RAB3B: variants seen among roughly 807,000 people sequenced by gnomAD.
The protein encoded by RAB3B is ras-related protein Rab-3B.
RAB3B carries 11 observed loss-of-function variants against 20.5 expected under a neutral mutation model. The observed-to-expected ratio is 0.54, with a 90% confidence interval of 0.34 to 0.89. The LOEUF (loss-of-function observed/expected upper bound fraction) is 0.89, where lower values mean the gene tolerates loss of function less well. Ranked by LOEUF, RAB3B falls within the 40% of genes least tolerant of loss-of-function variation. The probability of loss-of-function intolerance (pLI) is 0.02; values close to 1 mark genes in which losing one functional copy is unlikely to be tolerated. For synonymous variants in RAB3B, 99 were observed against 106.3 expected (o/e 0.93, Z 0.42); for missense variants, 225 against 280.9 (o/e 0.80, Z 1.42).
intron 1 of RAB3B, among the ~76,000 whole-genome samples, chr1:51,989,105 A>G (rs141017990): frequency 0.066 from 8,332 of 125,930 alleles, 288 homozygotes; most frequent in African/African-American, 0.08. Flanking sequence ...GTGCGCGCGC[A>G]CACACACACA....
chr1:51,971,606 G>C (rs1214933595), intron 2 of RAB3B, among the ~76,000 whole-genome samples: 1 of 151,540 alleles, frequency 6.6e-6, no homozygotes, highest in Non-Finnish European at 1.5e-5. Flanking sequence ...CTAATTTTTT[G>C]TATTTTTAGT....
rs552681317 is a variant in RAB3B at position 51,909,349 on chromosome 1, A to G, written c.*10578T>C. On this transcript the variant is annotated 3_prime_UTR_variant, in exon 5 of 5. Transcript: ENST00000371655. ...TGTCCACAGCATTTCACTTTCTAAA[A>G]TGTACTTTTATTTGACTCTCATAAC... The G allele has an allele frequency of 2.6e-5, 4 of 152,188 alleles. No individual in the cohort carries two copies. The highest frequency in any genetic ancestry group is 4.4e-5 in the Non-Finnish European group (3 of 68,032). The allele number at this position is 152,188 out of a possible 1,614,324, so 9.4% of individuals were successfully genotyped here.
chr1:51,908,216 GA>G lies in RAB3B; in HGVS notation c.*11710del, dbSNP rs1201022980. 3 of 152,000 alleles carry G rather than the reference GA, an allele frequency of 2.0e-5. No individual in the cohort carries two copies. The highest frequency in any genetic ancestry group is 2.9e-5 in the Non-Finnish European group (2 of 68,000). The allele number at this position is 152,000 out of a possible 1,614,324, so 9.4% of individuals were successfully genotyped here. A position where few individuals can be genotyped will look rare whatever the true frequency, so the allele number is the denominator to read the frequency against. Reference sequence around the variant, plus strand: ...GTCAGTATACAGAACATAGGAAGAAGAAAAAAGCATGAGAACATCTGCTTAG... The same window carrying G: ...GTCAGTATACAGAACATAGGAAGAAGAAAAAGCATGAGAACATCTGCTTAG... On this transcript the variant is annotated 3_prime_UTR_variant, in exon 5 of 5. Transcript: ENST00000371655.
intron 3 of RAB3B, among the ~76,000 whole-genome samples, chr1:51,936,723 C>T (rs1408221411): frequency 6.6e-6 from 1 of 152,176 alleles, no homozygotes; most frequent in African/African-American, 2.4e-5. Flanking sequence ...TCTCTGACTC[C>T]CTAAACTGGG....
At chr1:51,960,801 G>A (rs560729856) in intron 2 of RAB3B, among the ~76,000 whole-genome samples, 1 of 152,120 alleles carries the variant, frequency 6.6e-6, no homozygotes, top group Non-Finnish European at 1.5e-5. Context: ...CCTGTGGCTC[G>A]CAATCTTAAA....
chr1:51,985,166 G>A (rs78378945), intron 1 of RAB3B, among the ~76,000 whole-genome samples: 8,850 of 152,202 alleles, frequency 0.058, 276 homozygotes, highest in South Asian at 0.065. Context: ...CTCGGCCCAT[G>A]GAGGTACTGA....
intron 1 of RAB3B, among the ~76,000 whole-genome samples, chr1:51,983,793 C>T (rs1685117168): frequency 6.9e-6 from 1 of 143,944 alleles, no homozygotes; most frequent in African/African-American, 2.6e-5. Flanking sequence ...AATCCAGTCT[C>T]TACTAAAAAT....
intron 2 of RAB3B, among the ~76,000 whole-genome samples, chr1:51,947,588 G>A (rs1463634168): frequency 6.6e-6 from 1 of 152,030 alleles, no homozygotes; most frequent in Non-Finnish European, 1.5e-5. Context: ...CAGAGCATAA[G>A]ATTGGAAATC....
rs147751700 is a variant in RAB3B, at chr1:51,955,335, A to G, written c.229-17923T>C. On this transcript the variant is annotated intron_variant, in intron 2 of 4. Transcript: ENST00000371655. ...GCCCTGGGTTCTACAGCACCCTCTGACATGACATTCCAAAGCCAAAACCTT... is the reference window on the plus strand; with the variant it reads ...GCCCTGGGTTCTACAGCACCCTCTGGCATGACATTCCAAAGCCAAAACCTT... Among the ~76,000 whole-genome samples, 4 of 152,314 alleles carry G rather than the reference A, an allele frequency of 2.6e-5. No homozygotes were observed. The East Asian group carries it at 7.7e-4, about 29-fold the overall frequency.
intron 2 of RAB3B, among the ~76,000 whole-genome samples, chr1:51,961,634 C>T (rs929715375): frequency 3.9e-5 from 6 of 152,122 alleles, no homozygotes; most frequent in Admixed American, 6.5e-5. Flanking sequence ...AAGTAAAGCA[C>T]CTGTAAAGTA....
At chr1:51,949,332 C>A (rs191068020) in intron 2 of RAB3B, among the ~76,000 whole-genome samples, 1 of 152,362 alleles carries the variant, frequency 6.6e-6, no homozygotes, top group Admixed American at 6.5e-5. Flanking sequence ...CTAATTCCTC[C>A]CCTGCCCTTT....
intron 1 of RAB3B, among the ~76,000 whole-genome samples, chr1:51,990,104 C>T (rs1685203102): frequency 7.4e-6 from 1 of 134,470 alleles, no homozygotes. Flanking sequence ...CATGCCTCCC[C>T]CCGCACCCCC....
chr1:51,976,761 C>A (rs946730375), intron 2 of RAB3B, 129 bp downstream of exon 2: 1 of 784,986 alleles, frequency 1.3e-6, no homozygotes, highest in African/African-American at 1.7e-5. Flanking sequence ...CCAGGGGCCA[C>A]ACCTGAAACA....
chr1:51,988,800 T>C (rs2124324969), intron 1 of RAB3B, among the ~76,000 whole-genome samples: 1 of 152,316 alleles, frequency 6.6e-6, no homozygotes, highest in African/African-American at 2.4e-5. Context: ...AGGTTACTGA[T>C]GCCTCCCTTC....
rs117475855 is a variant in RAB3B at position 51,931,334 on chromosome 1, G to C, written c.472+1984C>G. Reference sequence around the variant, plus strand: ...TCATGTTCTCTGATCCCAGGAGAATGACGTTCCTCCTCTATGCTCCCCCAA... The same window carrying C: ...TCATGTTCTCTGATCCCAGGAGAATCACGTTCCTCCTCTATGCTCCCCCAA... On this transcript the variant is annotated intron_variant, in intron 4 of 4. Transcript: ENST00000371655. Among the ~76,000 whole-genome samples the C allele has an allele frequency of 6.2e-3, 940 of 152,230 alleles. 27 individuals are homozygous for C. The South Asian group carries it at 0.093, about 15-fold the overall frequency.
chr1:51,940,439 A>G (rs1684475289), intron 2 of RAB3B, among the ~76,000 whole-genome samples: 1 of 152,112 alleles, frequency 6.6e-6, no homozygotes, highest in Admixed American at 6.6e-5. Context: ...CCTGGCCAAT[A>G]TGGTGAAATC....
chr1:51,971,010 CAA>C (rs3074914), intron 2 of RAB3B, among the ~76,000 whole-genome samples: 1,668 of 55,628 alleles, frequency 0.03, 17 homozygotes, highest in African/African-American at 0.093. Flanking sequence ...GACTCCGTCT[CAA>C]AAAAAAAAAA....
At chr1:51,982,029 G>A (rs1281823943) in intron 1 of RAB3B, among the ~76,000 whole-genome samples, 1 of 151,918 alleles carries the variant, frequency 6.6e-6, no homozygotes, top group Admixed American at 6.6e-5. Context: ...AACAGCCTCA[G>A]GCAGGTCCTT....
chr1:51,953,014 T>C (rs1221135951), intron 2 of RAB3B, among the ~76,000 whole-genome samples: 1 of 152,218 alleles, frequency 6.6e-6, no homozygotes, highest in Non-Finnish European at 1.5e-5. Flanking sequence ...ATGTATATGG[T>C]TGACTATTAA....
Sources: gnomAD v4.1 joint callset for allele counts (sites outside exome capture counted in the v4.1 genomes callset) on GRCh38, gnomAD v4.1.1 for gene constraint, MANE v1.5 for transcripts, NCBI Gene and HGNC (gene_info 2026-07-23, HGNC 2026-07-21) for gene names.